Variants in HDDC2 observed in about 807,000 individuals in gnomAD.
The protein encoded by HDDC2 is HD domain containing 2.
Under a neutral mutation model 25.5 loss-of-function variants are expected in HDDC2, and 25 were observed. That is an observed-to-expected ratio of 0.98 (90% CI 0.72 to 1.37). The LOEUF is 1.37. Ranked by LOEUF, HDDC2 falls within the 40% of genes most tolerant of loss-of-function variation. The probability of loss-of-function intolerance (pLI) is 0.00; values close to 1 mark genes in which losing one functional copy is unlikely to be tolerated. For synonymous variants in HDDC2, 106 were observed against 89.7 expected (o/e 1.18, Z -1.03); for missense variants, 264 against 253.1 (o/e 1.04, Z -0.29).
rs987855029 is a variant in HDDC2 at position 125,301,948 on chromosome 6, G to T, written c.-16C>A. 2 of 1,543,094 alleles carry T rather than the reference G, an allele frequency of 1.3e-6. No homozygotes were observed. The highest frequency in any genetic ancestry group is 2.0e-5 in the Admixed American group (1 of 50,920). Reference sequence around the variant, plus strand: ...CCGAAGCCATGCGGCCACCGACCCCGGCTGGGCGGAGCAGGCCGCGGCGAA... The same window carrying T: ...CCGAAGCCATGCGGCCACCGACCCCTGCTGGGCGGAGCAGGCCGCGGCGAA... On this transcript the variant is annotated 5_prime_UTR_variant, in exon 1 of 6. Coordinates refer to ENST00000398153, the MANE Select transcript of HDDC2 (RefSeq NM_016063.3).
At chr6:125,301,590 G>C (rs902054973) in intron 1 of HDDC2, among the ~76,000 whole-genome samples, 3 of 151,786 alleles carry the variant, frequency 2.0e-5, no homozygotes, top group African/African-American at 7.3e-5. Flanking sequence ...CGCGGCTGCA[G>C]TGCGGACCTC....
intron 4 of HDDC2, 38 bp from the exon 5 acceptor site, chr6:125,277,278 T>C: frequency 6.2e-7 from 1 of 1,600,636 alleles, no homozygotes; most frequent in Middle Eastern, 1.7e-4. Flanking sequence ...TGATTAGCGC[T>C]GCATAATAGG....
chr6:125,292,354 G>C (rs1040363904), intron 4 of HDDC2, among the ~76,000 whole-genome samples: 1 of 152,072 alleles, frequency 6.6e-6, no homozygotes, highest in Admixed American at 6.5e-5. Flanking sequence ...CACTGGGAAG[G>C]GAGTGAGCAC....
intron 4 of HDDC2, 117 bp downstream of exon 4, chr6:125,292,724 A>T: frequency 7.5e-6 from 6 of 797,930 alleles, no homozygotes; most frequent in South Asian, 7.5e-5. Context: ...ACAGACACAA[A>T]CCAGACAGTA....
At chr6:125,276,336 T>C in intron 5 of HDDC2, 93 bp from the exon 6 acceptor site, 2 of 905,924 alleles carry the variant, frequency 2.2e-6, no homozygotes, top group Non-Finnish European at 3.6e-6. Context: ...CACTGGGGGC[T>C]CTAGTCTACG....
intron 4 of HDDC2, among the ~76,000 whole-genome samples, chr6:125,286,521 T>C (rs1798538209): frequency 6.6e-6 from 1 of 152,190 alleles, no homozygotes; most frequent in Non-Finnish European, 1.5e-5. Context: ...GTAGCCAGGA[T>C]TCCTGTTGTG....
At chr6:125,280,782 G>A (rs1361902426) in intron 4 of HDDC2, among the ~76,000 whole-genome samples, 1 of 152,238 alleles carries the variant, frequency 6.6e-6, no homozygotes, top group Non-Finnish European at 1.5e-5. Flanking sequence ...GGCAGCTGTG[G>A]GTGCAGCTTC....
intron 3 of HDDC2, among the ~76,000 whole-genome samples, chr6:125,294,483 A>G (rs1022314801): frequency 3.9e-5 from 6 of 152,344 alleles, no homozygotes; most frequent in East Asian, 3.9e-4. Context: ...TCTTTTTCAT[A>G]AATTTCAGCA....
intron 4 of HDDC2, among the ~76,000 whole-genome samples, chr6:125,280,947 C>T (rs1400011112): frequency 2.0e-5 from 3 of 152,236 alleles, no homozygotes; most frequent in African/African-American, 7.2e-5. Context: ...ACATCTCATA[C>T]AGGAGAGCTC....
chr6:125,297,165 C>T (rs1286686846), intron 3 of HDDC2, among the ~76,000 whole-genome samples: 1 of 152,192 alleles, frequency 6.6e-6, no homozygotes, highest in African/African-American at 2.4e-5. Flanking sequence ...TCCTTTCCCT[C>T]TGTGTTATAC....
rs756078836 is a variant in HDDC2, at chr6:125,301,886, G to C, written c.47C>G (p.Ser16Cys). 6.4e-7 allele frequency: 1 copy of C among 1,551,248 alleles called. No individual in the cohort carries two copies. The highest frequency in any genetic ancestry group is 8.7e-7 in the Non-Finnish European group (1 of 1,149,328). ...TACCAGCCGCAGGAACTGCAGTAGG[G>C]ACCGAGCCCCGTGGCCCGAGAAGGT... ...SATFSGHGAR[S>C]LLQFLRLVGQ... The change falls in exon 1 of 6, where the codon TCC becomes TGC. Residue 16 changes from serine to cysteine, a missense_variant. Transcript: ENST00000398153.
chr6:125,296,635 T>C (rs534748466), intron 3 of HDDC2, among the ~76,000 whole-genome samples: 50 of 152,306 alleles, frequency 3.3e-4, no homozygotes, highest in South Asian at 8.3e-4. Context: ...TCCAAGAACT[T>C]GTGGTTCTTT....
intron 4 of HDDC2, among the ~76,000 whole-genome samples, chr6:125,290,905 C>G (rs1046185108): frequency 7.2e-5 from 11 of 152,090 alleles, no homozygotes; most frequent in Non-Finnish European, 1.5e-4. Context: ...TAGCATTTAT[C>G]TTTGGAAGAT....
intron 5 of HDDC2, 103 bp downstream of exon 5, chr6:125,276,999 T>C: frequency 8.9e-7 from 1 of 1,121,778 alleles, no homozygotes; most frequent in Non-Finnish European, 1.3e-6. Context: ...CATGAAAGGG[T>C]CAGATGAAGG....
chr6:125,300,224 A>C lies in HDDC2; in HGVS notation c.206+314T>G, dbSNP rs573571366. The C allele has an allele frequency of 4.3e-4, 100 of 234,204 alleles. 4 individuals are homozygous for C. In the South Asian group the frequency reaches 0.011, roughly 25 times the overall value. The allele number at this position is 234,204 out of a possible 1,614,324, so 14.5% of individuals were successfully genotyped here. On this transcript the variant is annotated intron_variant, in intron 2 of 5. Coordinates refer to ENST00000398153, the MANE Select transcript of HDDC2 (RefSeq NM_016063.3). ...TACTATCCATAAAAGGCACTAGGAA[A>C]GAGCACACAGTGTACTAATACAATG... is the stretch of plus-strand genomic sequence containing the variant.
At chr6:125,301,513 C>A in intron 1 of HDDC2, among the ~76,000 whole-genome samples, 1 of 146,546 alleles carries the variant, frequency 6.8e-6, no homozygotes, top group East Asian at 2.0e-4. Flanking sequence ...CACACGAGTT[C>A]TGGGGTCGTG....
At chr6:125,288,846 G>A (rs1221214098) in intron 4 of HDDC2, among the ~76,000 whole-genome samples, 1 of 130,904 alleles carries the variant, frequency 7.6e-6, no homozygotes, top group Admixed American at 7.5e-5. Flanking sequence ...TGCTGGAGAG[G>A]ATGTGGAGAA....
At chr6:125,276,656 T>C (rs1254343996) in intron 5 of HDDC2, 2 of 236,736 alleles carry the variant, frequency 8.4e-6, no homozygotes, top group Non-Finnish European at 1.6e-5. Context: ...AGGAGGAAGA[T>C]CAGAGGGGCT....
chr6:125,300,237 T>G (rs1798774088), intron 2 of HDDC2: 2 of 324,626 alleles, frequency 6.2e-6, no homozygotes, highest in African/African-American at 4.2e-5. Context: ...GCACACAGTG[T>G]ACTAATACAA....
Sources: gnomAD v4.1 joint callset for allele counts (sites outside exome capture counted in the v4.1 genomes callset) on GRCh38, gnomAD v4.1.1 for gene constraint, MANE v1.5 for transcripts, NCBI Gene and HGNC (gene_info 2026-07-23, HGNC 2026-07-21) for gene names.